Variants in CCDC146 observed in about 807,000 individuals in gnomAD.
The protein encoded by CCDC146 is coiled-coil domain-containing protein 146.
Under a neutral mutation model 119.3 loss-of-function variants are expected in CCDC146, and 92 were observed. The ratio of observed to expected loss-of-function variants is 0.77; its 90% CI spans 0.65 to 0.92. CCDC146 has a LOEUF of 0.92. Among genes scored for constraint, CCDC146 ranks in the 40% least tolerant of loss-of-function variants. CCDC146 has a pLI of 0.00. For missense variants in CCDC146, 1,000 were observed against 1,103.0 expected, an observed-to-expected ratio of 0.91 and a Z score of 1.32; for synonymous variants, 372 against 371.8, an observed-to-expected ratio of 1.00 and a Z score of -0.01.
rs146167928 is a variant in CCDC146 at position 77,263,296 on chromosome 7, T to C, written c.1173+989T>C. 2.2e-3 allele frequency among the ~76,000 whole-genome samples: 331 copies of C among 152,222 alleles called. 1 individual carries two copies. Among genetic ancestry groups the C allele is most frequent in the African/African-American group, 7.1e-3 (296 of 41,538 alleles). The stretch of plus-strand genomic sequence containing the variant: ...CCAGCCTATAACATCTAATTGCCAA[T>C]GTGAGACCCTCTAGCTGTTTTTCCC... On this transcript the variant is annotated intron_variant, in intron 9 of 18. Coordinates refer to ENST00000285871, the MANE Select transcript of CCDC146 (RefSeq NM_020879.3).
chr7:77,283,081 T>C (rs2150549563), intron 15 of CCDC146, among the ~76,000 whole-genome samples: 1 of 152,296 alleles, frequency 6.6e-6, no homozygotes, highest in East Asian at 1.9e-4. Context: ...AATTTAGTGA[T>C]CTAGACTCTC....
intron 2 of CCDC146, among the ~76,000 whole-genome samples, chr7:77,212,117 C>A (rs1792195913): frequency 1.3e-5 from 2 of 151,992 alleles, no homozygotes; most frequent in Admixed American, 1.3e-4. Flanking sequence ...TGGGAAAGAA[C>A]AAATGACCAT....
At chr7:77,159,742 C>A (rs1464398884) in intron 1 of CCDC146, among the ~76,000 whole-genome samples, 4 of 152,170 alleles carry the variant, frequency 2.6e-5, no homozygotes. Context: ...CTTACCTTCC[C>A]ACTAACAGTG....
intron 2 of CCDC146, among the ~76,000 whole-genome samples, chr7:77,174,309 A>C (rs929030818): frequency 4.6e-5 from 7 of 152,146 alleles, no homozygotes; most frequent in African/African-American, 1.7e-4. Flanking sequence ...CAAGCCCCCA[A>C]ATTGAGGCTT....
chr7:77,123,955 G>A (rs2117378427), intron 1 of CCDC146, among the ~76,000 whole-genome samples: 1 of 152,170 alleles, frequency 6.6e-6, no homozygotes, highest in East Asian at 1.9e-4. Context: ...TAATTATTCA[G>A]AATAATCTTC....
At chr7:77,207,626 A>G (rs572553528) in intron 2 of CCDC146, among the ~76,000 whole-genome samples, 3 of 152,324 alleles carry the variant, frequency 2.0e-5, no homozygotes, top group Admixed American at 2.0e-4. Context: ...GATATAATAG[A>G]ATGAAAAGAG....
chr7:77,213,761 G>A (rs1341947850), intron 2 of CCDC146, among the ~76,000 whole-genome samples: 1 of 152,142 alleles, frequency 6.6e-6, no homozygotes, highest in Non-Finnish European at 1.5e-5. Context: ...CTAGGATAAT[G>A]GCCTCCAGCT....
chr7:77,199,868 A>G, intron 2 of CCDC146: 3 of 1,511,886 alleles, frequency 2.0e-6, no homozygotes, highest in Non-Finnish European at 2.7e-6. Context: ...TGCCTGAGTC[A>G]GGCTTTCTGT....
intron 15 of CCDC146, among the ~76,000 whole-genome samples, chr7:77,285,153 T>C (rs6971515): frequency 0.38 from 58,332 of 151,976 alleles, 13,285 homozygotes; most frequent in African/African-American, 0.63. Flanking sequence ...TTTAGGAAGT[T>C]ATATGAACTA....
intron 1 of CCDC146, 78 bp from the exon 2 acceptor site, chr7:77,167,574 GTTTATT>G (rs971825984): frequency 2.8e-4 from 290 of 1,053,164 alleles, no homozygotes; most frequent in Middle Eastern, 5.0e-4. Flanking sequence ...CCAGTTTTTT[GTTTATT>G]TTTATTATTT....
intron 2 of CCDC146, among the ~76,000 whole-genome samples, chr7:77,200,435 A>G (rs1015811753): frequency 2.6e-5 from 4 of 152,378 alleles, no homozygotes; most frequent in East Asian, 3.9e-4. Flanking sequence ...CTTTGTCCGT[A>G]GCATAGTGTA....
intron 9 of CCDC146, among the ~76,000 whole-genome samples, chr7:77,268,347 T>C (rs1293201196): frequency 6.6e-6 from 1 of 152,188 alleles, no homozygotes; most frequent in Non-Finnish European, 1.5e-5. Flanking sequence ...GAAGTTGATG[T>C]TCTGGGCAAT....
rs558862349 is a variant in CCDC146, at chr7:77,276,076, G to C, written c.1440+1424G>C. Among the ~76,000 whole-genome samples the C allele has an allele frequency of 2.2e-4, 34 of 151,910 alleles. No homozygotes were observed. The South Asian group carries it at 7.1e-3, about 32-fold the overall frequency. On this transcript the variant is annotated intron_variant, in intron 11 of 18. Coordinates refer to ENST00000285871, the MANE Select transcript of CCDC146 (RefSeq NM_020879.3). ...CAAAAATTAGCCAGGCATGGTGGCA[G>C]GTGCCTGTAATCCCAGCTACTTGGG...
rs36137608 is a variant in CCDC146 at position 77,249,486 on chromosome 7, C to CA, written c.450-4999dup. 3.5e-3 allele frequency among the ~76,000 whole-genome samples: 340 copies of CA among 96,552 alleles called. 1 individual carries two copies. The highest frequency in any genetic ancestry group is 3.9e-3 in the East Asian group (13 of 3,320). The allele number at this position is 96,552 out of a possible 152,430, so 63.3% of individuals were successfully genotyped here. On this transcript the variant is annotated intron_variant, in intron 4 of 18. Coordinates refer to ENST00000285871, the MANE Select transcript of CCDC146 (RefSeq NM_020879.3). ...CTGGCGACAGATTGAGACTCTGTCT[C>CA]AAAAAAAAAAAAAAAAAAAAAGAAT...
At chr7:77,141,344 A>C (rs565814221) in intron 1 of CCDC146, among the ~76,000 whole-genome samples, 40 of 152,140 alleles carry the variant, frequency 2.6e-4, no homozygotes, top group Non-Finnish European at 4.9e-4. Context: ...TTGGTTCCAA[A>C]TCTTTGCTAT....
chr7:77,190,356 GTC>G (rs1283407530), intron 2 of CCDC146, among the ~76,000 whole-genome samples: 1 of 152,192 alleles, frequency 6.6e-6, no homozygotes, highest in East Asian at 1.9e-4. Context: ...GGCAACCTCA[GTC>G]TCTCTCTACA....
intron 14 of CCDC146, among the ~76,000 whole-genome samples, chr7:77,281,827 G>A (rs1318768091): frequency 2.0e-5 from 3 of 152,142 alleles, no homozygotes; most frequent in Non-Finnish European, 4.4e-5. Flanking sequence ...CATTTTCAAA[G>A]GGCTGGTAGG....
intron 2 of CCDC146, among the ~76,000 whole-genome samples, chr7:77,201,618 C>T (rs965668184): frequency 7.3e-5 from 11 of 151,392 alleles, no homozygotes; most frequent in Admixed American, 2.0e-4. Context: ...AAAAAAAATG[C>T]AGTGTATAAA....
chr7:77,228,943 C>T (rs1396164881), intron 2 of CCDC146, among the ~76,000 whole-genome samples: 1 of 152,304 alleles, frequency 6.6e-6, no homozygotes, highest in Non-Finnish European at 1.5e-5. Context: ...CAGCCCATCA[C>T]CTAGGTATTA....
Sources: allele counts gnomAD v4.1 joint callset (sites outside exome capture counted in the v4.1 genomes callset), GRCh38; gene constraint gnomAD v4.1.1; transcripts MANE v1.5; gene names NCBI Gene and HGNC (gene_info 2026-07-23, HGNC 2026-07-21).